Variants in MICAL2 observed in about 807,000 individuals in gnomAD.
MICAL2 encodes the protein microtubule associated monooxygenase, calponin and LIM domain containing 2, also known as [F-actin]-monooxygenase MICAL2.
In MICAL2, 77 loss-of-function variants were observed where a neutral mutation model predicts 127.3. The observed-to-expected ratio is 0.60, with a 90% CI of 0.50 to 0.73. The LOEUF is 0.73. Ranked by LOEUF, MICAL2 falls within the 30% of genes least tolerant of loss-of-function variation. The pLI is 0.00. For synonymous variants in MICAL2, 570 were observed against 551.1 expected (o/e 1.03, Z -0.48); for missense variants, 1,351 against 1,434.4 (o/e 0.94, Z 0.94).
chr11:12,257,221 C>T (rs1247513235), intron 24 of MICAL2: 2 of 436,782 alleles, frequency 4.6e-6, no homozygotes, highest in African/African-American at 4.0e-5. Context: ...ACCTGTGTGC[C>T]CAGGGCTCTA....
chr11:12,291,743 T>C (rs147822408), downstream of MICAL2, among the ~76,000 whole-genome samples: 1 of 152,374 alleles, frequency 6.6e-6, no homozygotes, highest in Non-Finnish European at 1.5e-5. Context: ...GTCTAGCATC[T>C]TGTGGGAAGA....
At chr11:12,262,774 C>T (rs754250452) in intron 27 of MICAL2, 67 of 489,890 alleles carry the variant, frequency 1.4e-4, no homozygotes, top group Non-Finnish European at 2.3e-4. Flanking sequence ...GTGCATGCCC[C>T]GCCTCTCCTC....
chr11:12,309,801 G>T (rs2134820519), intron 29 of MICAL2, among the ~76,000 whole-genome samples: 1 of 152,150 alleles, frequency 6.6e-6, no homozygotes, highest in South Asian at 2.1e-4. Flanking sequence ...CAGTGTATAA[G>T]TAAATGTTCC....
chr11:12,286,934 T>G, intron 2 of MICAL2: 1 of 391,734 alleles, frequency 2.6e-6, no homozygotes, highest in Non-Finnish European at 4.5e-6. Context: ...GACAGCAGTA[T>G]GGTGTGAGGG....
At chr11:12,152,272 T>C (rs1434829928) in intron 2 of MICAL2, among the ~76,000 whole-genome samples, 2 of 129,690 alleles carry the variant, frequency 1.5e-5, no homozygotes, top group Non-Finnish European at 3.1e-5. Flanking sequence ...CACTCTAGCT[T>C]TGGCAACAAA....
intron 30 of MICAL2, among the ~76,000 whole-genome samples, chr11:12,322,129 T>C (rs927714583): frequency 1.3e-5 from 2 of 152,294 alleles, no homozygotes; most frequent in Admixed American, 6.5e-5. Flanking sequence ...AATGGGATGA[T>C]ACATGTGAAA....
chr11:12,155,130 A>C (rs2133752400), intron 2 of MICAL2, among the ~76,000 whole-genome samples: 1 of 152,332 alleles, frequency 6.6e-6, no homozygotes, highest in African/African-American at 2.4e-5. Flanking sequence ...AGGTATCCTC[A>C]TGCCTAGGCC....
intron 16 of MICAL2, among the ~76,000 whole-genome samples, chr11:12,238,350 G>C (rs1859383009): frequency 6.6e-6 from 1 of 152,204 alleles, no homozygotes; most frequent in Non-Finnish European, 1.5e-5. Context: ...AGATGAGCTA[G>C]AGAAATCTTA....
rs529342285 is a variant in MICAL2, at chr11:12,125,316, C to T, written c.-148-13074C>T. Among the ~76,000 whole-genome samples the T allele has an allele frequency of 1.7e-3, 254 of 152,340 alleles. 1 individual carries two copies. Among genetic ancestry groups the T allele is most frequent in the Middle Eastern group, 3.4e-3 (1 of 294 alleles). Reference sequence around the variant, plus strand: ...TCACCCAGGATGGAGTGCAGTGGCGCGATCTCGGCTCACTGCAACCTCCGC... The same window carrying T: ...TCACCCAGGATGGAGTGCAGTGGCGTGATCTCGGCTCACTGCAACCTCCGC... On this transcript the variant is annotated intron_variant, in intron 1 of 27. Coordinates refer to ENST00000683283, the MANE Select transcript of MICAL2 (RefSeq NM_001282663.2).
intron 2 of MICAL2, among the ~76,000 whole-genome samples, chr11:12,283,874 C>T (rs899089582): frequency 1.3e-5 from 2 of 152,240 alleles, no homozygotes; most frequent in African/African-American, 4.8e-5. Context: ...CAGAAAGCCC[C>T]CTAAAACATC....
At chr11:12,174,583 T>C (rs754973763) in intron 3 of MICAL2, among the ~76,000 whole-genome samples, 15 of 152,120 alleles carry the variant, frequency 9.9e-5, no homozygotes, top group Non-Finnish European at 1.9e-4. Flanking sequence ...ATTCATCCAG[T>C]GAGGAACCCT....
intron 29 of MICAL2, among the ~76,000 whole-genome samples, chr11:12,297,610 G>A (rs1864001528): frequency 6.6e-6 from 1 of 152,006 alleles, no homozygotes; most frequent in African/African-American, 2.4e-5. Context: ...GTTTGTAGAA[G>A]AATTTTCTCA....
chr11:12,297,819 C>T (rs1044614776), intron 29 of MICAL2, among the ~76,000 whole-genome samples: 2 of 151,924 alleles, frequency 1.3e-5, no homozygotes, highest in African/African-American at 4.8e-5. Flanking sequence ...ATATAAAATT[C>T]CTGAACTTGG....
chr11:12,293,188 T>G (rs1863926821), downstream of MICAL2, among the ~76,000 whole-genome samples: 1 of 152,146 alleles, frequency 6.6e-6, no homozygotes. Context: ...AATGAAGAGC[T>G]TATCTTCCCC....
intron 3 of MICAL2, among the ~76,000 whole-genome samples, chr11:12,204,011 C>T (rs1035453913): frequency 2.6e-5 from 4 of 152,198 alleles, no homozygotes; most frequent in African/African-American, 7.2e-5. Flanking sequence ...TGTGCCTCCT[C>T]GCCAAGTCCC....
At chr11:12,334,827 T>TGCC (rs1195961830) in intron 32 of MICAL2, among the ~76,000 whole-genome samples, 4 of 150,960 alleles carry the variant, frequency 2.6e-5, no homozygotes, top group Admixed American at 1.3e-4. Context: ...GGTGTATATG[T>TGCC]ACATTTTCTT....
intron 33 of MICAL2, among the ~76,000 whole-genome samples, chr11:12,353,099 C>T (rs892896268): frequency 6.6e-6 from 1 of 152,180 alleles, no homozygotes; most frequent in Non-Finnish European, 1.5e-5. Context: ...TAACAAGAAG[C>T]AGGGACCTTG....
At chr11:12,158,812 A>G (rs1295329288) in intron 2 of MICAL2, among the ~76,000 whole-genome samples, 1 of 152,222 alleles carries the variant, frequency 6.6e-6, no homozygotes, top group African/African-American at 2.4e-5. Flanking sequence ...TGAGGCCAAG[A>G]TGGATGAGGT....
chr11:12,296,799 G>A (rs575326783), downstream of MICAL2, among the ~76,000 whole-genome samples: 256 of 151,870 alleles, frequency 1.7e-3, 2 homozygotes, highest in African/African-American at 5.9e-3. Flanking sequence ...ACAAATGATA[G>A]CATGGCAGCA....
Sources: gnomAD v4.1 joint callset for allele counts (sites outside exome capture counted in the v4.1 genomes callset) on GRCh38, gnomAD v4.1.1 for gene constraint, MANE v1.5 for transcripts, NCBI Gene and HGNC (gene_info 2026-07-23, HGNC 2026-07-21) for gene names.